BMPER: variants seen among roughly 807,000 people sequenced by gnomAD.
BMPER encodes BMP-binding endothelial regulator protein.
A neutral mutation model predicts 87.3 loss-of-function variants in BMPER; 45 were observed. The ratio of observed to expected loss-of-function variants is 0.52; its 90% CI spans 0.41 to 0.66. The LOEUF (loss-of-function observed/expected upper bound fraction) is 0.66. Among genes scored for constraint, BMPER ranks in the 30% least tolerant of loss-of-function variants. The probability of loss-of-function intolerance (pLI) is 0.00; values close to 1 mark genes in which losing one functional copy is unlikely to be tolerated. For missense variants in BMPER, 784 were observed against 867.5 expected, an observed-to-expected ratio of 0.90 and a Z score of 1.21; for synonymous variants, 326 against 316.2, an observed-to-expected ratio of 1.03 and a Z score of -0.33.
chr7:34,022,511 C>T (rs1787221150), intron 6 of BMPER, among the ~76,000 whole-genome samples: 1 of 151,944 alleles, frequency 6.6e-6, no homozygotes. Context: ...TTTTCTCTAT[C>T]AGGAAACTTC....
chr7:34,127,153 G>C (rs1477047188), intron 13 of BMPER, among the ~76,000 whole-genome samples: 3 of 152,194 alleles, frequency 2.0e-5, no homozygotes, highest in African/African-American at 7.2e-5. Context: ...GTTGGTAAGA[G>C]AGAGTGAGAG....
chr7:34,054,006 C>T (rs151266394), intron 8 of BMPER, among the ~76,000 whole-genome samples: 10 of 152,326 alleles, frequency 6.6e-5, no homozygotes, highest in Admixed American at 2.0e-4. Flanking sequence ...CCACAACAGC[C>T]TATCTCAGGT....
intron 7 of BMPER, among the ~76,000 whole-genome samples, chr7:34,048,044 C>A: frequency 6.6e-6 from 1 of 151,720 alleles, no homozygotes. Context: ...GAGAATTTTA[C>A]TGATTGTCCC....
In BMPER at chr7:33,970,352, G is replaced by A. The variant is rs749814966; in HGVS notation, c.426G>A (p.Gly142=). 2 of 1,614,122 alleles carry A rather than the reference G, an allele frequency of 1.2e-6. No individual in the cohort carries two copies. The highest frequency in any genetic ancestry group is 1.3e-5 in the African/African-American group (1 of 75,028). Residue 142 remains glycine, a synonymous_variant, in exon 5 of 15, where the codon GGG becomes GGA. Transcript: ENST00000649409. ...AGGAGGGCGTTGTCACAGAGTCTGG[G>A]GTGCGCTGTGTTGTTCATTGTAAAA... ...QCQEGVVTES[G]VRCVVHCKNP... is the part of the protein sequence containing the mutation.
intron 6 of BMPER, among the ~76,000 whole-genome samples, chr7:33,988,975 A>G (rs1381552165): frequency 1.5e-5 from 2 of 136,860 alleles, no homozygotes; most frequent in Non-Finnish European, 3.1e-5. Context: ...ATAGTATTCC[A>G]TGGTGTATAT....
intron 13 of BMPER, among the ~76,000 whole-genome samples, chr7:34,129,656 G>GAAAGAAAGAAAGAAAGAA (rs1562762234): frequency 6.6e-6 from 1 of 150,756 alleles, no homozygotes; most frequent in Non-Finnish European, 1.5e-5. Context: ...AAGAAAGAAA[G>GAAAGAAAGAAAGAAAGAA]AAAGAAAGAA....
intron 13 of BMPER, among the ~76,000 whole-genome samples, chr7:34,107,997 A>G (rs566793672): frequency 3.3e-5 from 5 of 152,352 alleles, no homozygotes; most frequent in African/African-American, 1.2e-4. Flanking sequence ...ACTTAGTACA[A>G]TTTTTAAAAA....
chr7:34,129,630 G>GAGAAAGAGAA, intron 13 of BMPER, among the ~76,000 whole-genome samples: 1 of 56,308 alleles, frequency 1.8e-5, no homozygotes, highest in Non-Finnish European at 3.5e-5. Context: ...GAGAGAAAGA[G>GAGAAAGAGAA]AGAAAGAAAG....
chr7:34,101,180 A>G (rs1179910069), intron 13 of BMPER, among the ~76,000 whole-genome samples: 1 of 152,134 alleles, frequency 6.6e-6, no homozygotes, highest in Non-Finnish European at 1.5e-5. Flanking sequence ...GATCACATTG[A>G]CACTTTTAAT....
intron 3 of BMPER, among the ~76,000 whole-genome samples, chr7:33,948,783 T>C (rs1784949812): frequency 6.6e-6 from 1 of 152,198 alleles, no homozygotes; most frequent in African/African-American, 2.4e-5. Context: ...TGTAAGTGAA[T>C]TAAAACTCTT....
chr7:34,089,055 C>T (rs1488305145), intron 13 of BMPER, among the ~76,000 whole-genome samples: 2 of 152,132 alleles, frequency 1.3e-5, no homozygotes, highest in African/African-American at 4.8e-5. Flanking sequence ...ATACATCCCA[C>T]ACATGTAAAT....
Position 34,140,354 on chromosome 7 carries a change from A to G in BMPER, c.1746-2876A>G, listed in dbSNP as rs77724306. 3.9e-4 allele frequency among the ~76,000 whole-genome samples: 59 copies of G among 152,384 alleles called. 2 individuals carry two copies. In the East Asian group the frequency reaches 6.9e-3, roughly 18 times the overall value. On this transcript the variant is annotated intron_variant, in intron 13 of 14. Transcript: ENST00000649409. Reference sequence around the variant, plus strand: ...ATTTTATGTAAAAATCATCAACTTGATAAGTGAAAAACAACATTTATGAAT... The same window carrying G: ...ATTTTATGTAAAAATCATCAACTTGGTAAGTGAAAAACAACATTTATGAAT...
At chr7:33,905,230 G>T, upstream of BMPER, 2 of 314,310 alleles carry the variant, frequency 6.4e-6, no homozygotes, top group South Asian at 6.0e-5. Context: ...GCGGCTGAGC[G>T]GCAGTGCGCA....
intron 6 of BMPER, among the ~76,000 whole-genome samples, chr7:34,029,309 G>A (rs988295398): frequency 2.0e-5 from 3 of 152,082 alleles, no homozygotes; most frequent in Admixed American, 2.0e-4. Flanking sequence ...TCAAATTAAT[G>A]TGTTTTGTTG....
At chr7:34,024,382 ACAATATATAT>A (rs1562695152) in intron 6 of BMPER, among the ~76,000 whole-genome samples, 8 of 52,574 alleles carry the variant, frequency 1.5e-4, no homozygotes, top group African/African-American at 8.6e-4. Context: ...AAAAAAAAAA[ACAATATATAT>A]ATATATATAT....
At chr7:34,152,032 T>G (rs746398066) in intron 14 of BMPER, among the ~76,000 whole-genome samples, 1 of 152,228 alleles carries the variant, frequency 6.6e-6, no homozygotes, top group Admixed American at 6.5e-5. Flanking sequence ...GTGGCAACTC[T>G]AAATGCATAA....
intron 6 of BMPER, among the ~76,000 whole-genome samples, chr7:34,037,620 A>C (rs1057495475): frequency 3.9e-5 from 6 of 152,238 alleles, no homozygotes; most frequent in Non-Finnish European, 1.5e-5. Context: ...GGGAACTTCA[A>C]CTTAAGGGGT....
At chr7:34,127,565 C>T (rs1436671928) in intron 13 of BMPER, among the ~76,000 whole-genome samples, 1 of 152,062 alleles carries the variant, frequency 6.6e-6, no homozygotes, top group Admixed American at 6.6e-5. Flanking sequence ...GATGTTCCAT[C>T]AGAAACACAG....
At chr7:34,127,426 A>C (rs946761866) in intron 13 of BMPER, among the ~76,000 whole-genome samples, 1 of 152,090 alleles carries the variant, frequency 6.6e-6, no homozygotes, top group Non-Finnish European at 1.5e-5. Context: ...TTGGTACTGT[A>C]GCTTAGAAGC....
Sources: gnomAD v4.1 joint callset for allele counts (sites outside exome capture counted in the v4.1 genomes callset) on GRCh38, gnomAD v4.1.1 for gene constraint, MANE v1.5 for transcripts, NCBI Gene and HGNC (gene_info 2026-07-23, HGNC 2026-07-21) for gene names.